Variants in KIAA1328 observed in about 807,000 individuals in gnomAD.
KIAA1328 encodes the protein protein hinderin.
KIAA1328 carries 52 observed loss-of-function variants against 68.1 expected under a neutral mutation model. The ratio of observed to expected loss-of-function variants is 0.76; its 90% CI spans 0.61 to 0.96. KIAA1328 has a LOEUF of 0.96. Among genes scored for constraint, KIAA1328 ranks in the 40% least tolerant of loss-of-function variants. KIAA1328 has a pLI of 0.00. For synonymous variants in KIAA1328, 232 were observed against 239.4 expected (o/e 0.97, Z 0.28); for missense variants, 641 against 677.6 (o/e 0.95, Z 0.60).
At chr18:37,153,556 A>G (rs1269671127) in intron 7 of KIAA1328, among the ~76,000 whole-genome samples, 3 of 149,668 alleles carry the variant, frequency 2.0e-5, no homozygotes, top group Admixed American at 2.0e-4. Context: ...AAATGACTAT[A>G]TAGGTACATA....
At chr18:37,094,521 T>C (rs1268580661) in intron 7 of KIAA1328, among the ~76,000 whole-genome samples, 1 of 152,190 alleles carries the variant, frequency 6.6e-6, no homozygotes, top group Non-Finnish European at 1.5e-5. Context: ...GAAAGGTCAG[T>C]GTCTACCATC....
At chr18:37,119,001 G>A (rs1185118981) in intron 7 of KIAA1328, among the ~76,000 whole-genome samples, 1 of 152,072 alleles carries the variant, frequency 6.6e-6, no homozygotes, top group South Asian at 2.1e-4. Flanking sequence ...TCATGATGGG[G>A]GATATGCTAA....
chr18:37,040,048 C>T (rs322655), intron 6 of KIAA1328, among the ~76,000 whole-genome samples: 85,260 of 152,060 alleles, frequency 0.56, 25,907 homozygotes, highest in East Asian at 0.77. Flanking sequence ...CCCCCACCAT[C>T]AAGCCAGCAA....
At chr18:37,126,894 A>T (rs1446543157) in intron 7 of KIAA1328, among the ~76,000 whole-genome samples, 1 of 152,190 alleles carries the variant, frequency 6.6e-6, no homozygotes, top group East Asian at 1.9e-4. Flanking sequence ...TTCATGATAA[A>T]AAAAATCTCT....
chr18:37,051,476 C>T (rs1215125888), intron 6 of KIAA1328, among the ~76,000 whole-genome samples: 1 of 152,156 alleles, frequency 6.6e-6, no homozygotes, highest in East Asian at 1.9e-4. Context: ...TTCCTGGAAA[C>T]CCACACCCTC....
intron 8 of KIAA1328, among the ~76,000 whole-genome samples, chr18:37,160,663 T>C (rs754294069): frequency 5.9e-5 from 9 of 152,166 alleles, no homozygotes; most frequent in Non-Finnish European, 1.2e-4. Context: ...TAGACTAAAA[T>C]AATGTTCCAA....
At chr18:37,177,176 C>A (rs367969125) in intron 9 of KIAA1328, among the ~76,000 whole-genome samples, 162 of 152,250 alleles carry the variant, frequency 1.1e-3, no homozygotes, top group Middle Eastern at 6.8e-3. Flanking sequence ...AGCTGTATAT[C>A]CTTGATATGT....
chr18:36,978,661 G>T (rs2052565632), intron 6 of KIAA1328, among the ~76,000 whole-genome samples: 1 of 152,110 alleles, frequency 6.6e-6, no homozygotes, highest in Admixed American at 6.5e-5. Flanking sequence ...ATAGTATACT[G>T]TATGCCTATT....
At chr18:37,026,534 T>C (rs1324926266) in intron 6 of KIAA1328, among the ~76,000 whole-genome samples, 3 of 152,164 alleles carry the variant, frequency 2.0e-5, no homozygotes, top group African/African-American at 7.2e-5. Context: ...CATGACCAAG[T>C]GGTCTTCATC....
intron 8 of KIAA1328, among the ~76,000 whole-genome samples, chr18:37,170,014 C>G (rs757721835): frequency 3.3e-5 from 5 of 152,196 alleles, no homozygotes; most frequent in Non-Finnish European, 5.9e-5. Flanking sequence ...TTTCACCTCA[C>G]TCACAAATCC....
intron 7 of KIAA1328, among the ~76,000 whole-genome samples, chr18:37,111,115 G>C (rs1451313274): frequency 1.2e-4 from 19 of 152,122 alleles, no homozygotes; most frequent in Admixed American, 1.1e-3. Context: ...TTGAGAAAAA[G>C]AACCAGTAGG....
chr18:36,965,979 AC>A (rs2051918025), intron 6 of KIAA1328, among the ~76,000 whole-genome samples: 1 of 152,032 alleles, frequency 6.6e-6, no homozygotes, highest in African/African-American at 2.4e-5. Flanking sequence ...CTCCTCACAG[AC>A]TAAAAGGTCT....
At chr18:37,053,301 G>A (rs1267692343) in intron 6 of KIAA1328, among the ~76,000 whole-genome samples, 1 of 152,034 alleles carries the variant, frequency 6.6e-6, no homozygotes, top group Non-Finnish European at 1.5e-5. Flanking sequence ...GAAAGAAACT[G>A]GACTCTTATC....
chr18:37,099,175 A>T (rs1451600250), intron 7 of KIAA1328, among the ~76,000 whole-genome samples: 1 of 152,030 alleles, frequency 6.6e-6, no homozygotes, highest in East Asian at 1.9e-4. Context: ...TTAGGATGTC[A>T]ATTTTAGATC....
chr18:37,202,607 G>T (rs541204706), intron 9 of KIAA1328, among the ~76,000 whole-genome samples: 52 of 152,226 alleles, frequency 3.4e-4, no homozygotes, highest in African/African-American at 1.2e-3. Context: ...CGTGGTTAAA[G>T]ACACAATTAA....
chr18:37,193,569 A>G (rs2059947722), intron 9 of KIAA1328: 2 of 702,310 alleles, frequency 2.8e-6, no homozygotes, highest in Non-Finnish European at 5.2e-6. Context: ...ACTCATGGAC[A>G]TTTTAATTTA....
intron 6 of KIAA1328, among the ~76,000 whole-genome samples, chr18:37,058,790 G>T (rs1355017058): frequency 1.3e-5 from 2 of 151,980 alleles, no homozygotes; most frequent in African/African-American, 2.4e-5. Context: ...AAGCACAAAA[G>T]GTTCAAAGCA....
chr18:37,022,044 A>T (rs910216763), intron 6 of KIAA1328, among the ~76,000 whole-genome samples: 3 of 151,662 alleles, frequency 2.0e-5, no homozygotes, highest in Admixed American at 6.6e-5. Context: ...TGTCTCATAA[A>T]TTAATTAATT....
intron 6 of KIAA1328, among the ~76,000 whole-genome samples, chr18:36,969,963 C>A (rs2052113483): frequency 6.6e-6 from 1 of 152,136 alleles, no homozygotes. Flanking sequence ...TTTGTGAGGC[C>A]AGCATCATCC....
Sources: allele counts gnomAD v4.1 joint callset (sites outside exome capture counted in the v4.1 genomes callset), GRCh38; gene constraint gnomAD v4.1.1; transcripts MANE v1.5; gene names NCBI Gene and HGNC (gene_info 2026-07-23, HGNC 2026-07-21).